The following CPLANE1 variants were observed in gnomAD, a reference collection of about 807,000 sequenced individuals.
CPLANE1 encodes the protein ciliogenesis and planar polarity effector 1.
CPLANE1 carries 263 observed loss-of-function variants against 362.5 expected under a neutral mutation model. That is an observed-to-expected ratio of 0.73 (90% CI 0.66 to 0.80). The LOEUF (loss-of-function observed/expected upper bound fraction) is 0.80. Ranked by LOEUF, CPLANE1 falls within the 30% of genes least tolerant of loss-of-function variation. The pLI, the probability that CPLANE1 is intolerant of heterozygous loss-of-function variation, is 0.00. For missense variants in CPLANE1, 3,461 were observed against 3,793.4 expected (o/e 0.91, Z 2.30); for synonymous variants, 1,212 against 1,302.6 (o/e 0.93, Z 1.50).
chr5:37,158,415 T>C, intron 38 of CPLANE1, 70 bp from the exon 39 acceptor site: 1 of 1,446,128 alleles, frequency 6.9e-7, no homozygotes, highest in Non-Finnish European at 9.3e-7. Flanking sequence ...ATCATCAGCT[T>C]TGTATGAACA....
At chr5:37,093,248 G>T in the CPLANE1 span, among the ~76,000 whole-genome samples, 3 of 152,138 alleles carry the variant, frequency 2.0e-5, no homozygotes, top group Admixed American at 2.0e-4. Flanking sequence ...TTCTCTTATA[G>T]CAGGGTATAG....
chr5:37,091,755 C>T, the CPLANE1 span, among the ~76,000 whole-genome samples: 2 of 152,024 alleles, frequency 1.3e-5, no homozygotes, highest in Non-Finnish European at 2.9e-5. Flanking sequence ...AGGCTTGTGT[C>T]CATACCCCCT....
intron 15 of CPLANE1, among the ~76,000 whole-genome samples, chr5:37,219,188 CA>C (rs1240209128): frequency 1.3e-5 from 2 of 151,942 alleles, no homozygotes; most frequent in Non-Finnish European, 2.9e-5. Context: ...TCAGCCTGCG[CA>C]ATATACCAAG....
chr5:37,145,634 T>A (rs938895720), intron 43 of CPLANE1, among the ~76,000 whole-genome samples: 1 of 152,008 alleles, frequency 6.6e-6, no homozygotes, highest in African/African-American at 2.4e-5. Context: ...TGTTAAAAAT[T>A]CAAGAATAAC....
At chr5:37,175,146 G>T (rs1780814653) in intron 31 of CPLANE1, among the ~76,000 whole-genome samples, 1 of 152,196 alleles carries the variant, frequency 6.6e-6, no homozygotes, top group Admixed American at 6.5e-5. Context: ...CAGGGCTGTA[G>T]AGGTCCCCTT....
At chr5:37,246,047 A>AT (rs1329292803) in intron 2 of CPLANE1, 3 of 370,244 alleles carry the variant, frequency 8.1e-6, no homozygotes, top group Non-Finnish European at 1.4e-5. Flanking sequence ...GTTAGAATTA[A>AT]TAGGTAAGGC....
rs1253221080 is a variant in CPLANE1, at chr5:37,111,287, A to AT, written c.9401-2817dup. Among the ~76,000 whole-genome samples the AT allele has an allele frequency of 4.7e-4, 65 of 139,204 alleles. 1 individual carries two copies. The highest frequency in any genetic ancestry group is 1.2e-3 in the South Asian group (5 of 4,246). 91.3% of individuals were successfully genotyped at this position (139,204 alleles called of 152,430 possible). A position where few individuals can be genotyped will look rare whatever the true frequency, so the allele number is the denominator to read the frequency against. The stretch of plus-strand genomic sequence containing the variant: ...AGGCGCCCACCACCATGCCTAGCTA[A>AT]TTTTTTTTTTGTATTTTTAGTAGAG... On this transcript the variant is annotated intron_variant, in intron 51 of 52. Transcript: ENST00000651892.
Position 37,224,549 on chromosome 5 carries a change from T to C in CPLANE1, c.2483A>G (p.Glu828Gly). The change falls in exon 13 of 53, where the codon GAA (glutamate) becomes GGA (glycine). Residue 828 changes from glutamate to glycine, a missense_variant. Glu to Gly is a moderately conservative substitution (Grantham distance 98, BLOSUM62 -2). Around this residue, in one of 2 missense-constraint regions of CPLANE1, gnomAD observed 3,380 missense variants for 3,666.1 expected, o/e 0.92. Coordinates refer to ENST00000651892, the MANE Select transcript of CPLANE1 (RefSeq NM_001384732.1). ...ATACTGACCATTGATAGATTTAAGT[T>C]CTAAGGTTTGATTCAAGCAATCTCC... Reference protein sequence around the residue: ...STGDCLNQTLELKSINGEECF... With the variant: ...STGDCLNQTLGLKSINGEECF... 6.5e-7 allele frequency: 1 copy of C among 1,550,072 alleles called. No homozygotes were observed. Among genetic ancestry groups the C allele is most frequent in the Non-Finnish European group, 8.7e-7 (1 of 1,145,720 alleles).
In CPLANE1 at chr5:37,177,664, G is replaced by C; in HGVS notation, c.5857C>G (p.Pro1953Ala). Reference protein sequence around the residue: ...TEEVQCQREEPLETIMEEKST... With the variant: ...TEEVQCQREEALETIMEEKST... ...TTTTCCTCCATAATTGTCTCCAGTGGTTCTTCCCTTTGACACTGAACCTCT... is the reference window on the plus strand; with the variant it reads ...TTTTCCTCCATAATTGTCTCCAGTGCTTCTTCCCTTTGACACTGAACCTCT... The change falls in exon 30 of 53, where the codon CCA becomes GCA. Residue 1953 changes from proline (P) to alanine (A), a missense_variant. Pro to Ala is a conservative substitution (Grantham distance 27, BLOSUM62 -1). Coordinates refer to ENST00000651892, the MANE Select transcript of CPLANE1 (RefSeq NM_001384732.1). 1.2e-6 allele frequency: 2 copies of C among 1,613,764 alleles called. No homozygotes were observed. The highest frequency in any genetic ancestry group is 1.7e-6 in the Non-Finnish European group (2 of 1,179,836).
At chr5:37,175,501 A>G (rs2151030145) in intron 31 of CPLANE1, among the ~76,000 whole-genome samples, 1 of 152,292 alleles carries the variant, frequency 6.6e-6, no homozygotes, top group Non-Finnish European at 1.5e-5. Flanking sequence ...ATATTTTCCT[A>G]TTTCGGCAAG....
In CPLANE1 at chr5:37,245,840, T is replaced by C; in HGVS notation, c.87A>G (p.Lys29=). Residue 29 remains lysine, a synonymous_variant, in exon 3 of 53, where the codon AAA becomes AAG. Coordinates refer to ENST00000651892, the MANE Select transcript of CPLANE1 (RefSeq NM_001384732.1). ...TATCATCCAAAAGAAAAACGGCTTC[T>C]TTTTCCTAAGAGAAGAAACATGTGA... ...WPRVSWLGKE[K]EAVFLLDDKF... The C allele has an allele frequency of 1.3e-6, 2 of 1,511,870 alleles. No individual in the cohort carries two copies. The highest frequency in any genetic ancestry group is 2.7e-5 in the South Asian group (2 of 74,606). The allele number at this position is 1,511,870 out of a possible 1,614,324, so 93.7% of individuals were successfully genotyped here.
At position 37,107,386 on chromosome 5, in the gene CPLANE1, TA is replaced by T. The variant is rs766047365; in HGVS notation, c.*215del. Reference sequence around the variant, plus strand: ...ATGATGCATCAAATACAAAAACATATAATACATCAATAGTCAACCCTTTCCC... The same window carrying T: ...ATGATGCATCAAATACAAAAACATATATACATCAATAGTCAACCCTTTCCC... On this transcript the variant is annotated 3_prime_UTR_variant, in exon 53 of 53. Transcript: ENST00000651892. The T allele has an allele frequency of 8.0e-6, 10 of 1,248,706 alleles. No homozygotes were observed. Among genetic ancestry groups the T allele is most frequent in the Non-Finnish European group, 1.0e-5 (10 of 993,926 alleles). 77.4% of individuals were successfully genotyped at this position (1,248,706 alleles called of 1,614,324 possible).
At chr5:37,084,047 A>G in the CPLANE1 span, among the ~76,000 whole-genome samples, 1 of 152,250 alleles carries the variant, frequency 6.6e-6, no homozygotes, top group African/African-American at 2.4e-5. Context: ...CAGGTAACCT[A>G]TAAAGGAAAA....
rs183612622 is a variant in CPLANE1 at position 37,232,697 on chromosome 5, G to A, written c.939-1648C>T. Among the ~76,000 whole-genome samples, 8 of 150,878 alleles carry A rather than the reference G, an allele frequency of 5.3e-5. No individual in the cohort carries two copies. The East Asian group carries it at 5.9e-4, about 11-fold the overall frequency. ...ACCAAAAAAAAACAAAAAAACAGTC[G>A]TGGTGGCGTGCACCTGTAATCCCAG... On this transcript the variant is annotated intron_variant, in intron 8 of 52. Transcript: ENST00000651892.
Position 37,198,840 on chromosome 5 carries a change from T to G in CPLANE1, c.3534A>C (p.Lys1178Asn), listed in dbSNP as rs144890880. The change falls in exon 20 of 53, where the codon AAA becomes AAC. Residue 1178 changes from lysine to asparagine, a missense_variant. Lys to Asn is a moderately conservative substitution (Grantham distance 94). Transcript: ENST00000651892. Reference protein sequence around the residue: ...SEEDGDDLLLKAEKNNRQKVS... With the variant: ...SEEDGDDLLLNAEKNNRQKVS... ...CCTTCTGGCGATTATTTTTTTCAGC[T>G]TTTAAAAGAAGATCATCACCATCTT... 5.5e-5 allele frequency: 88 copies of G among 1,613,870 alleles called. 1 individual carries two copies. The highest frequency in any genetic ancestry group is 6.4e-5 in the Non-Finnish European group (76 of 1,179,958).
the CPLANE1 span, among the ~76,000 whole-genome samples, chr5:37,076,437 G>A: frequency 1.3e-5 from 2 of 151,908 alleles, no homozygotes; most frequent in Non-Finnish European, 2.9e-5. Context: ...TTAGCCTCCC[G>A]AATAGCTGGG....
intron 9 of CPLANE1, among the ~76,000 whole-genome samples, chr5:37,228,111 T>C (rs1257586464): frequency 6.6e-6 from 1 of 152,158 alleles, no homozygotes; most frequent in Non-Finnish European, 1.5e-5. Context: ...TTATTTTTAC[T>C]ATTAAAGAGA....
In CPLANE1 at chr5:37,198,781, A is replaced by G; in HGVS notation, c.3593T>C (p.Phe1198Ser). The change falls in exon 20 of 53, where the codon TTC (phenylalanine) becomes TCC (serine). Residue 1198 changes from phenylalanine to serine, a missense_variant. This residue lies in a region of CPLANE1 where 3,380 missense variants were observed against 3,666.1 expected (regional missense o/e 0.92). Coordinates refer to ENST00000651892, the MANE Select transcript of CPLANE1 (RefSeq NM_001384732.1). ...AGGAAAAGAACACTGAGCCGCCCGG[A>G]AAAGCAGGAGAACACGCTGAAGGAT... ...SGILQRVLLLFRAAQCSFPVA... is the reference protein window; with the variant it reads ...SGILQRVLLLSRAAQCSFPVA... The G allele has an allele frequency of 6.2e-7, 1 of 1,614,158 alleles. No individual in the cohort carries two copies. Among genetic ancestry groups the G allele is most frequent in the Non-Finnish European group, 8.5e-7 (1 of 1,180,020 alleles).
chr5:37,097,414 CAGA>C, the CPLANE1 span, among the ~76,000 whole-genome samples: 1 of 152,038 alleles, frequency 6.6e-6, no homozygotes, highest in Non-Finnish European at 1.5e-5. Context: ...TTCAGTGCTC[CAGA>C]AGGTGAAGAG....
Sources: gnomAD v4.1 joint callset for allele counts (sites outside exome capture counted in the v4.1 genomes callset) on GRCh38, gnomAD v4.1.1 for gene constraint, gnomAD v4.1.1 regional missense constraint, MANE v1.5 for transcripts, NCBI Gene and HGNC (gene_info 2026-07-23, HGNC 2026-07-21) for gene names.